The following HRC variants were observed in gnomAD, a reference collection of about 807,000 sequenced individuals.
The protein encoded by HRC is histidine rich calcium binding protein.
Under a neutral mutation model 61.4 loss-of-function variants are expected in HRC, and 41 were observed. The observed-to-expected ratio is 0.67, with a 90% CI of 0.52 to 0.87. HRC has a LOEUF of 0.87. Ranked by LOEUF, HRC falls within the 40% of genes least tolerant of loss-of-function variation. The pLI, the probability that HRC is intolerant of heterozygous loss-of-function variation, is 0.00. For synonymous variants in HRC, 308 were observed against 326.6 expected, an observed-to-expected ratio of 0.94 and a Z score of 0.62; for missense variants, 839 against 885.8, an observed-to-expected ratio of 0.95 and a Z score of 0.67.
In HRC at chr19:49,153,490, C is replaced by T. The variant is rs750655475; in HGVS notation, c.1748G>A (p.Arg583His). The change falls in exon 1 of 6, where the codon CGC becomes CAC. Residue 583 changes from arginine to histidine, a missense_variant. Transcript: ENST00000252825. This position sits in a 1 kb window ranked among gnomAD's most constrained non-coding sequence, Gnocchi z 4.8. ...CAGTGGGTTGGGGATGATGGTGAAG[C>T]GGGGCTCATCTTCCTCCAGCCCCTC... ...EEEGLEEDEPRFTIIPNPLDR... is the reference protein window; with the variant it reads ...EEEGLEEDEPHFTIIPNPLDR... 18 of 1,589,028 alleles carry T rather than the reference C, an allele frequency of 1.1e-5. No individual in the cohort carries two copies. The highest frequency in any genetic ancestry group is 7.0e-5 in the South Asian group (6 of 85,410).
In HRC at chr19:49,153,807, C is replaced by T. The variant is rs774568217; in HGVS notation, c.1431G>A (p.Leu477=). 2 of 1,614,100 alleles carry T rather than the reference C, an allele frequency of 1.2e-6. No individual in the cohort carries two copies. The highest frequency in any genetic ancestry group is 1.7e-6 in the Non-Finnish European group (2 of 1,180,022). Residue 477 remains leucine (L), a synonymous_variant, in exon 1 of 6, where the codon TTG becomes TTA. Coordinates refer to ENST00000252825, the MANE Select transcript of HRC (RefSeq NM_002152.3). This position sits in a 1 kb window ranked among gnomAD's most constrained non-coding sequence, Gnocchi z 4.8. Reference sequence around the variant, plus strand: ...TTTCCTCCTCAGAATCATCCTTCCTCAAATGGCTTCTATCCTTGACCACTG... The same window carrying T: ...TTTCCTCCTCAGAATCATCCTTCCTTAAATGGCTTCTATCCTTGACCACTG... ...GHTVVKDRSH[L]RKDDSEEEKE...
Position 49,153,331 on chromosome 19 carries a change from C to A in HRC, c.1832G>T (p.Gly611Val). Reference protein sequence around the residue: ...SSEEESGEDTGPQDAQEYGNY... With the variant: ...SSEEESGEDTVPQDAQEYGNY... ...CCCATACTCCTGAGCATCCTGTGGA[C>A]CTGCGGGGACAGGAGGGCAGCAGTG... Residue 611 changes from glycine (G) to valine (V), a missense_variant and splice_region_variant, in exon 2 of 6, where the codon GGT becomes GTT. Coordinates refer to ENST00000252825, the MANE Select transcript of HRC (RefSeq NM_002152.3). This position sits in a 1 kb window ranked among gnomAD's most constrained non-coding sequence, Gnocchi z 4.8. 2 of 1,613,800 alleles carry A rather than the reference C, an allele frequency of 1.2e-6. No individual in the cohort carries two copies. Among genetic ancestry groups the A allele is most frequent in the South Asian group, 2.2e-5 (2 of 91,064 alleles).
rs111701766 is a variant in HRC, at chr19:49,154,682, C to G, written c.556G>C (p.Asp186His). The G allele has an allele frequency of 9.5e-5, 153 of 1,613,846 alleles. No homozygotes were observed. The highest frequency in any genetic ancestry group is 1.2e-4 in the African/African-American group (9 of 74,884). Reference sequence around the variant, plus strand: ...TCTTCTCCTTCATCATCTTCCCCATCATGGCCTCGGTGTCCATGCCTGAGG... The same window carrying G: ...TCTTCTCCTTCATCATCTTCCCCATGATGGCCTCGGTGTCCATGCCTGAGG... ...HILRHGHRGH[D>H]GEDDEGEEEE... Residue 186 changes from aspartate to histidine, a missense_variant, in exon 1 of 6, where the codon GAT becomes CAT. By Grantham distance (81) the Asp-to-His change is moderately conservative (BLOSUM62 -1). Coordinates refer to ENST00000252825, the MANE Select transcript of HRC (RefSeq NM_002152.3).
Position 49,153,768 on chromosome 19 carries a change from C to T in HRC, c.1470G>A (p.Glu490=). Reference sequence around the variant, plus strand: ...CGTCTTCCTCATGGGAGCCGGGGTCCTCTTCCTTCTCCTTTTCCTCCTCAG... The same window carrying T: ...CGTCTTCCTCATGGGAGCCGGGGTCTTCTTCCTTCTCCTTTTCCTCCTCAG... ...DDSEEEKEKE[E]DPGSHEEDDE... Residue 490 remains glutamate, a synonymous_variant, in exon 1 of 6, where the codon GAG becomes GAA. Transcript: ENST00000252825. This position sits in a 1 kb window ranked among gnomAD's most constrained non-coding sequence, Gnocchi z 4.8. 6.2e-7 allele frequency: 1 copy of T among 1,614,108 alleles called. No homozygotes were observed. Among genetic ancestry groups the T allele is most frequent in the South Asian group, 1.1e-5 (1 of 91,078 alleles).
chr19:49,151,508 C>T lies in HRC; in HGVS notation c.2063+9G>A. On this transcript the variant is annotated intron_variant, in intron 5 of 5. Transcript: ENST00000252825. ...GGGGCTTTTACACGCTCCCCTTTTA[C>T]ACACTTACTGATAAAGGGACGAGGA... 2.5e-6 allele frequency: 4 copies of T among 1,613,826 alleles called. No homozygotes were observed. The highest frequency in any genetic ancestry group is 2.5e-6 in the Non-Finnish European group (3 of 1,179,780).
chr19:49,155,291 C>A lies in HRC; in HGVS notation c.-54G>T. 1 of 1,527,268 alleles carries A rather than the reference C, an allele frequency of 6.5e-7. No homozygotes were observed. Among genetic ancestry groups the A allele is most frequent in the South Asian group, 1.3e-5 (1 of 78,226 alleles). The allele number at this position is 1,527,268 out of a possible 1,614,324, so 94.6% of individuals were successfully genotyped here. A position where few individuals can be genotyped will look rare whatever the true frequency, so the allele number is the denominator to read the frequency against. ...CTGCCTCTGCGGCAATGTGGACAAA[C>A]GTTGGGGTCTTTGTCCCTTTGGGGT... On this transcript the variant is annotated 5_prime_UTR_variant, in exon 1 of 6. Transcript: ENST00000252825. The surrounding 1 kb of genome is among the most constrained non-coding windows in gnomAD (Gnocchi z 4.7).
intron 4 of HRC, 35 bp downstream of exon 4, chr19:49,151,969 T>C (rs1166088694): frequency 6.2e-7 from 1 of 1,607,038 alleles, no homozygotes. Context: ...CCCGGCACCT[T>C]CCTCAGGTTT....
Position 49,151,298 on chromosome 19 carries a change from A to T in HRC, c.2098T>A (p.Ter700ArgextTer?). 6.4e-7 allele frequency: 1 copy of T among 1,556,336 alleles called. No homozygotes were observed. Among genetic ancestry groups the T allele is most frequent in the Non-Finnish European group, 8.7e-7 (1 of 1,148,712 alleles). The change falls in exon 6 of 6, where the codon TGA (stop) becomes AGA (arginine). Residue 700 changes from the stop codon to arginine (R), a stop_lost. Coordinates refer to ENST00000252825, the MANE Select transcript of HRC (RefSeq NM_002152.3). ...TGCGTCGCAGTCGAGCGACTGGGTC[A>T]GGGTTCCGGCGTTTCCAGCATGTCT... ...LADMLETPEP[*>R]
At chr19:49,151,647 A>G (rs181170075) in intron 4 of HRC, 94 bp from the exon 5 acceptor site, 2 of 1,106,126 alleles carry the variant, frequency 1.8e-6, no homozygotes, top group East Asian at 4.7e-5. Flanking sequence ...TGCTAGCTCC[A>G]CCTCCTTTTC....
Position 49,153,515 on chromosome 19 carries a change from CCT to C in HRC, c.1721_1722del (p.Glu574GlyfsTer7). ...PDHSEEEEEEEEGLEEDEPRF... is the reference protein window; with the variant it reads ...PDHSEEEEEEXEGLEEDEPRF... ...CGGGGCTCATCTTCCTCCAGCCCCT[CCT>C]CCTCCTCCTCTTCCTCCTCGCTGTG... On this transcript the variant is annotated frameshift_variant, in exon 1 of 6. Transcript: ENST00000252825. LOFTEE classifies it high-confidence loss of function. The surrounding 1 kb of genome is among the most constrained non-coding windows in gnomAD (Gnocchi z 4.8). 6.3e-7 allele frequency: 1 copy of C among 1,581,562 alleles called. No individual in the cohort carries two copies. The highest frequency in any genetic ancestry group is 8.6e-7 in the Non-Finnish European group (1 of 1,163,846).
chr19:49,152,025 A>G lies in HRC; in HGVS notation c.2005T>C (p.Cys669Arg). The change falls in exon 4 of 6, where the codon TGC becomes CGC. Residue 669 changes from cysteine (C) to arginine (R), a missense_variant. Transcript: ENST00000252825. ...CQFCYLCPLV[C>R]ETVCAPGSYV... ...TCACCTGGAGCGCAGACCGTTTCGC[A>G]GACCAGCGGGCAGAGATAGCAGAAC... 1 of 1,614,214 alleles carries G rather than the reference A, an allele frequency of 6.2e-7. No individual in the cohort carries two copies. Among genetic ancestry groups the G allele is most frequent in the Non-Finnish European group, 8.5e-7 (1 of 1,180,030 alleles).
chr19:49,152,037 AGAGAT>A lies in HRC; in HGVS notation c.1988_1992del (p.Tyr663LeufsTer16). The A allele has an allele frequency of 1.2e-6, 2 of 1,614,164 alleles. No individual in the cohort carries two copies. Among genetic ancestry groups the A allele is most frequent in the Non-Finnish European group, 1.7e-6 (2 of 1,179,988 alleles). ...CAGACCGTTTCGCAGACCAGCGGGC[AGAGAT>A]AGCAGAACTGACAGTGCTGGAGGCG... On this transcript the variant is annotated frameshift_variant, in exon 4 of 6. Transcript: ENST00000252825. LOFTEE classifies it high-confidence loss of function.
chr19:49,154,112 C>A lies in HRC; in HGVS notation c.1126G>T (p.Glu376Ter), dbSNP rs769050338. The change falls in exon 1 of 6, where the codon GAG (glutamate) becomes TAG (stop). Residue 376 changes from glutamate (E) to a stop codon, truncating the protein, a stop_gained. Transcript: ENST00000252825. LOFTEE classifies it high-confidence loss of function. The part of the protein sequence containing the change: ...PQHVHHGLVD[E>*]EEEEEEITVQ... ...GTGATCTCCTCTTCTTCCTCTTCCT[C>A]ATCTACAAGGCCATGGTGGACATGT... is the stretch of plus-strand genomic sequence containing the variant. 1.5e-5 allele frequency: 25 copies of A among 1,614,208 alleles called. No individual in the cohort carries two copies. The East Asian group carries it at 5.6e-4, about 36-fold the overall frequency.
Position 49,153,742 on chromosome 19 carries a change from T to C in HRC, c.1496A>G (p.Asp499Gly). Residue 499 changes from aspartate (D) to glycine (G), a missense_variant, in exon 1 of 6, where the codon GAT (aspartate) becomes GGT (glycine). Physicochemically the swap from Asp to Gly is moderately conservative, Grantham distance 94 (BLOSUM62 -1). Coordinates refer to ENST00000252825, the MANE Select transcript of HRC (RefSeq NM_002152.3). The surrounding 1 kb of genome is among the most constrained non-coding windows in gnomAD (Gnocchi z 4.8). Reference sequence around the variant, plus strand: ...TTTCTCTCCCTGCTCTGAACTTTCATCGTCTTCCTCATGGGAGCCGGGGTC... The same window carrying C: ...TTTCTCTCCCTGCTCTGAACTTTCACCGTCTTCCTCATGGGAGCCGGGGTC... Reference protein sequence around the residue: ...EEDPGSHEEDDESSEQGEKGT... With the variant: ...EEDPGSHEEDGESSEQGEKGT... 6.2e-7 allele frequency: 1 copy of C among 1,614,216 alleles called. No homozygotes were observed. The highest frequency in any genetic ancestry group is 2.2e-5 in the East Asian group (1 of 44,884).
Position 49,153,140 on chromosome 19 carries a change from C to G in HRC, c.1902+121G>C, listed in dbSNP as rs2041377837. The stretch of plus-strand genomic sequence containing the variant: ...ACCTCACATGCCTGCAGAAGGATCT[C>G]TTTTCTTTCAGAACTGACCCTGGCC... On this transcript the variant is annotated intron_variant, in intron 2 of 5. Transcript: ENST00000252825. This position sits in a 1 kb window ranked among gnomAD's most constrained non-coding sequence, Gnocchi z 4.8. 1.3e-6 allele frequency: 1 copy of G among 748,160 alleles called. No individual in the cohort carries two copies. Among genetic ancestry groups the G allele is most frequent in the African/African-American group, 1.7e-5 (1 of 57,826 alleles). The allele number at this position is 748,160 out of a possible 1,614,324, so 46.3% of individuals were successfully genotyped here.
chr19:49,152,638 C>G (rs1262268374), intron 2 of HRC, among the ~76,000 whole-genome samples: 1 of 151,614 alleles, frequency 6.6e-6, no homozygotes, highest in African/African-American at 2.4e-5. Flanking sequence ...GGCGCAACCT[C>G]AGCTCACTGC....
At chr19:49,152,264 G>A in intron 3 of HRC, 46 bp downstream of exon 3, 1 of 1,536,912 alleles carries the variant, frequency 6.5e-7, no homozygotes, top group South Asian at 1.1e-5. Context: ...GGGTCCCGGT[G>A]CATCCTGAGG....
At position 49,152,016 on chromosome 19, in the gene HRC, C is replaced by A. The variant is rs111621046; in HGVS notation, c.2014G>T (p.Val672Phe). Residue 672 changes from valine to phenylalanine, a missense_variant, in exon 4 of 6, where the codon GTC (valine) becomes TTC (phenylalanine). Val to Phe is a conservative substitution (Grantham distance 50). Coordinates refer to ENST00000252825, the MANE Select transcript of HRC (RefSeq NM_002152.3). ...CYLCPLVCET[V>F]CAPGSYVDYF... ...CGCCCATGCTCACCTGGAGCGCAGA[C>A]CGTTTCGCAGACCAGCGGGCAGAGA... is the stretch of plus-strand genomic sequence containing the variant. The A allele has an allele frequency of 8.7e-6, 14 of 1,614,212 alleles. No homozygotes were observed. The Admixed American group carries it at 1.3e-4, about 15-fold the overall frequency.
rs552705446 is a variant in HRC, at chr19:49,154,488, A to G, written c.750T>C (p.Asp250=). The change falls in exon 1 of 6, where the codon GAT becomes GAC. Residue 250 remains aspartate (D), a synonymous_variant. Coordinates refer to ENST00000252825, the MANE Select transcript of HRC (RefSeq NM_002152.3). ...CATCATCATCATCATCATCATCATC[A>G]TCATCATCGTCATCTTCTTCATGGC... ...HQGHEEDDDD[D]DDDDDDDDDD... The G allele has an allele frequency of 8.2e-6, 13 of 1,577,594 alleles. No homozygotes were observed. Among genetic ancestry groups the G allele is most frequent in the Admixed American group, 6.9e-5 (4 of 58,170 alleles).
Sources: allele counts gnomAD v4.1 joint callset (sites outside exome capture counted in the v4.1 genomes callset), GRCh38; gene constraint gnomAD v4.1.1; non-coding constraint Gnocchi (gnomAD v3.1); transcripts MANE v1.5; gene names NCBI Gene and HGNC (gene_info 2026-07-23, HGNC 2026-07-21).